Variants in ZDHHC2 observed in about 807,000 individuals in gnomAD.
ZDHHC2 encodes palmitoyltransferase ZDHHC2.
ZDHHC2 carries 51 observed loss-of-function variants against 55.6 expected under a neutral mutation model. The observed-to-expected ratio is 0.92, with a 90% CI of 0.73 to 1.16. The LOEUF is 1.16. Ranked by LOEUF, ZDHHC2 falls within the 50% of genes most tolerant of loss-of-function variation. The pLI is 0.00. For synonymous variants in ZDHHC2, 199 were observed against 152.9 expected (o/e 1.30, Z -2.22); for missense variants, 491 against 442.4 (o/e 1.11, Z -0.99).
intron 2 of ZDHHC2, among the ~76,000 whole-genome samples, chr8:17,186,077 G>C (rs1805691698): frequency 6.6e-6 from 1 of 152,096 alleles, no homozygotes. Flanking sequence ...GCCAATAGAT[G>C]GTCTGTCTAC....
At chr8:17,185,673 GA>G (rs1386928338) in intron 2 of ZDHHC2, among the ~76,000 whole-genome samples, 2 of 151,898 alleles carry the variant, frequency 1.3e-5, no homozygotes, top group Non-Finnish European at 2.9e-5. Flanking sequence ...AAAAAGGAAA[GA>G]AAAGAAAAGA....
At chr8:17,167,726 A>G (rs1175807976) in intron 1 of ZDHHC2, among the ~76,000 whole-genome samples, 1 of 152,222 alleles carries the variant, frequency 6.6e-6, no homozygotes, top group Non-Finnish European at 1.5e-5. Context: ...TTGAAAATTT[A>G]AAAGATAAAT....
chr8:17,192,487 A>G (rs1585695268), intron 3 of ZDHHC2, among the ~76,000 whole-genome samples: 1 of 152,124 alleles, frequency 6.6e-6, no homozygotes. Flanking sequence ...TTTTTCCTAT[A>G]GAGTTGTTCG....
At chr8:17,179,803 C>G (rs1047537940) in intron 1 of ZDHHC2, among the ~76,000 whole-genome samples, 2 of 152,186 alleles carry the variant, frequency 1.3e-5, no homozygotes, top group African/African-American at 4.8e-5. Context: ...TTCTCTCTTC[C>G]TATATACCGT....
intron 3 of ZDHHC2, among the ~76,000 whole-genome samples, chr8:17,189,950 A>C (rs1805933068): frequency 6.6e-6 from 1 of 152,194 alleles, no homozygotes; most frequent in Admixed American, 6.5e-5. Flanking sequence ...GCTAAGGTTC[A>C]ACCAAAAGTC....
At chr8:17,194,885 C>T (rs1012665935) in intron 3 of ZDHHC2, among the ~76,000 whole-genome samples, 2 of 151,966 alleles carry the variant, frequency 1.3e-5, no homozygotes, top group African/African-American at 4.8e-5. Flanking sequence ...GAAATTTATA[C>T]AGGTGTATGT....
chr8:17,176,398 T>C (rs1805135042), intron 1 of ZDHHC2, among the ~76,000 whole-genome samples: 1 of 152,180 alleles, frequency 6.6e-6, no homozygotes, highest in South Asian at 2.1e-4. Context: ...CAGTTCCTGC[T>C]TATTTACTGA....
At position 17,186,444 on chromosome 8, in the gene ZDHHC2, G is replaced by A. The variant is rs185015809; in HGVS notation, c.252+19G>A. ...AAAAGAAGTAAGTTAAAATATTAACGAAATTATTCTAATAATAGAAATCAA... is the reference window on the plus strand; with the variant it reads ...AAAAGAAGTAAGTTAAAATATTAACAAAATTATTCTAATAATAGAAATCAA... On this transcript the variant is annotated intron_variant, in intron 3 of 12. Coordinates refer to ENST00000262096, the MANE Select transcript of ZDHHC2 (RefSeq NM_016353.5). 944 of 1,367,116 alleles carry A rather than the reference G, an allele frequency of 6.9e-4. 5 individuals carry two copies. In the African/African-American group the frequency reaches 0.013, roughly 19 times the overall value. The allele number at this position is 1,367,116 out of a possible 1,614,324, so 84.7% of individuals were successfully genotyped here.
At chr8:17,158,257 G>T (rs1178039553) in intron 1 of ZDHHC2, among the ~76,000 whole-genome samples, 1 of 152,168 alleles carries the variant, frequency 6.6e-6, no homozygotes, top group Non-Finnish European at 1.5e-5. Flanking sequence ...TTGCCTTATT[G>T]AGATAGACTG....
intron 1 of ZDHHC2, among the ~76,000 whole-genome samples, chr8:17,171,833 A>G (rs1804870469): frequency 6.6e-6 from 1 of 150,726 alleles, no homozygotes; most frequent in African/African-American, 2.4e-5. Flanking sequence ...GTTTTTACTA[A>G]CCCTGTTTTT....
Position 17,210,009 on chromosome 8 carries a change from C to G in ZDHHC2, c.808C>G (p.Gln270Glu), listed in dbSNP as rs753127013. 1 of 1,609,826 alleles carries G rather than the reference C, an allele frequency of 6.2e-7. No homozygotes were observed. Among genetic ancestry groups the G allele is most frequent in the Non-Finnish European group, 8.5e-7 (1 of 1,177,772 alleles). Residue 270 changes from glutamine to glutamate, a missense_variant, in exon 9 of 13, where the codon CAA becomes GAA. Gln to Glu is a conservative substitution (Grantham distance 29, BLOSUM62 2). Transcript: ENST00000262096. ...CTTGGGTTTCAGTAAAAACATGCGACAAGTTTTTGGTGATGAGAAGAAGTA... is the reference window on the plus strand; with the variant it reads ...CTTGGGTTTCAGTAAAAACATGCGAGAAGTTTTTGGTGATGAGAAGAAGTA... Reference protein sequence around the residue: ...FSLGFSKNMRQVFGDEKKYWL... With the variant: ...FSLGFSKNMREVFGDEKKYWL...
At chr8:17,211,473 GTTGT>G (rs367963141) in intron 10 of ZDHHC2, among the ~76,000 whole-genome samples, 10 of 151,780 alleles carry the variant, frequency 6.6e-5, no homozygotes, top group African/African-American at 9.7e-5. Context: ...TTTTGTTGTT[GTTGT>G]TTGTTTGTTT....
intron 3 of ZDHHC2, among the ~76,000 whole-genome samples, chr8:17,193,014 G>A (rs560068445): frequency 1.3e-5 from 2 of 152,224 alleles, no homozygotes; most frequent in East Asian, 1.9e-4. Context: ...TACTGTGTAC[G>A]AATGCTAGTC....
chr8:17,156,544 C>A lies in ZDHHC2; in HGVS notation c.-180C>A. 1 of 286,368 alleles carries A rather than the reference C, an allele frequency of 3.5e-6. No homozygotes were observed. Among genetic ancestry groups the A allele is most frequent in the Non-Finnish European group, 5.3e-6 (1 of 189,904 alleles). 17.7% of individuals were successfully genotyped at this position (286,368 alleles called of 1,614,324 possible). On this transcript the variant is annotated 5_prime_UTR_variant, in exon 1 of 13. Coordinates refer to ENST00000262096, the MANE Select transcript of ZDHHC2 (RefSeq NM_016353.5). ...TCCGCCGGGCTGAGGAGCCGGGAGT[C>A]CGCCGCGCCGGCTCGGGGCTGCGGG...
chr8:17,212,395 C>A (rs1412421014), intron 10 of ZDHHC2, among the ~76,000 whole-genome samples: 1 of 152,200 alleles, frequency 6.6e-6, no homozygotes, highest in African/African-American at 2.4e-5. Context: ...CTCCTCCATG[C>A]TTCCATTATC....
chr8:17,217,174 A>G lies in ZDHHC2; in HGVS notation c.1066A>G (p.Met356Val). The G allele has an allele frequency of 2.5e-6, 4 of 1,611,502 alleles. No individual in the cohort carries two copies. Among genetic ancestry groups the G allele is most frequent in the Non-Finnish European group, 3.4e-6 (4 of 1,178,626 alleles). Residue 356 changes from methionine to valine, a missense_variant and splice_region_variant, in exon 12 of 13, where the codon ATG (methionine) becomes GTG (valine). By Grantham distance (21) the Met-to-Val change is conservative. Transcript: ENST00000262096. ...CTAACTTATGTGCTTTCATTAAGGTATGAGCAATCCTGCATTAACCATGGA... is the reference window on the plus strand; with the variant it reads ...CTAACTTATGTGCTTTCATTAAGGTGTGAGCAATCCTGCATTAACCATGGA... ...SINPGKCKAG[M>V]SNPALTMENE...
intron 1 of ZDHHC2, among the ~76,000 whole-genome samples, chr8:17,180,441 A>C (rs1041602362): frequency 1.3e-5 from 2 of 152,174 alleles, no homozygotes; most frequent in Non-Finnish European, 2.9e-5. Context: ...ATTTTTGTTC[A>C]ACATTTTGCA....
rs10601402 is a variant in ZDHHC2, at chr8:17,190,951, C to CTTTT, written c.253-4528_253-4525dup. ...TGTCAAATACTAGGTCTTATTCATT[C>CTTTT]TTTTTTTTTTTTTTTTTTTTTTTTT... On this transcript the variant is annotated intron_variant, in intron 3 of 12. Coordinates refer to ENST00000262096, the MANE Select transcript of ZDHHC2 (RefSeq NM_016353.5). 6.5e-3 allele frequency among the ~76,000 whole-genome samples: 344 copies of CTTTT among 52,846 alleles called. 5 individuals are homozygous for CTTTT. The highest frequency in any genetic ancestry group is 0.012 in the East Asian group (23 of 1,876). 34.7% of individuals were successfully genotyped at this position (52,846 alleles called of 152,430 possible).
intron 1 of ZDHHC2, among the ~76,000 whole-genome samples, chr8:17,172,334 G>A (rs530190985): frequency 6.6e-6 from 1 of 152,304 alleles, no homozygotes; most frequent in East Asian, 1.9e-4. Context: ...TCAAAGTGTG[G>A]CGTTTTCTCT....
Sources: allele counts gnomAD v4.1 joint callset (sites outside exome capture counted in the v4.1 genomes callset), GRCh38; gene constraint gnomAD v4.1.1; transcripts MANE v1.5; gene names NCBI Gene and HGNC (gene_info 2026-07-23, HGNC 2026-07-21).